HSP90AA1: variants seen among roughly 807,000 people sequenced by gnomAD.
HSP90AA1 encodes the protein heat shock protein 90 alpha family class A member 1.
A neutral mutation model predicts 73.3 loss-of-function variants in HSP90AA1; 18 were observed. The ratio of observed to expected loss-of-function variants is 0.25; its 90% CI spans 0.17 to 0.36. The LOEUF is 0.36. HSP90AA1 is among the 10% of genes least tolerant of loss of function. HSP90AA1 has a pLI of 1.00. For synonymous variants in HSP90AA1, 477 were observed against 296.9 expected (o/e 1.61, Z -6.24); for missense variants, 704 against 874.2 (o/e 0.81, Z 2.45).
chr14:102,119,733 C>T (rs1030549332), intron 1 of HSP90AA1, among the ~76,000 whole-genome samples: 2 of 152,144 alleles, frequency 1.3e-5, no homozygotes, highest in African/African-American at 2.4e-5. Context: ...GTGCTCCGCC[C>T]GCCTCAGCCT....
At chr14:102,129,928 C>T (rs535982300) in intron 1 of HSP90AA1, among the ~76,000 whole-genome samples, 3 of 152,188 alleles carry the variant, frequency 2.0e-5, no homozygotes, top group South Asian at 2.1e-4. Context: ...TGAATAATGC[C>T]GCTGTGAACA....
chr14:102,081,805 G>A lies in HSP90AA1; in HGVS notation c.2106C>T (p.Asp702=), dbSNP rs1354603172. 2.6e-6 allele frequency: 4 copies of A among 1,533,574 alleles called. No individual in the cohort carries two copies. Among genetic ancestry groups the A allele is most frequent in the Admixed American group, 1.7e-5 (1 of 59,870 alleles). 95.0% of individuals were successfully genotyped at this position (1,533,574 alleles called of 1,614,324 possible). Residue 702 remains aspartate (D), a synonymous_variant, in exon 11 of 11, where the codon GAC becomes GAT. Coordinates refer to ENST00000216281, the MANE Select transcript of HSP90AA1 (RefSeq NM_005348.4). ...IKLGLGIDED[D]PTADDTSAAV... ...CAGCACTGGTATCATCAGCAGTAGG[G>A]TCATCTTCATCAATACCTGTTTCCA...
At position 102,081,058 on chromosome 14, in the gene HSP90AA1, C is replaced by T; in HGVS notation, c.*654G>A. The T allele has an allele frequency of 4.4e-6, 1 of 228,116 alleles. No homozygotes were observed. Among genetic ancestry groups the T allele is most frequent in the East Asian group, 6.3e-5 (1 of 15,802 alleles). 14.1% of individuals were successfully genotyped at this position (228,116 alleles called of 1,614,324 possible). A position where few individuals can be genotyped will look rare whatever the true frequency, so the allele number is the denominator to read the frequency against. The stretch of plus-strand genomic sequence containing the variant: ...CACTGTCACACAATATCTTTTAACT[C>T]ATCTGTATTTGTTACAACTTTAAGC... On this transcript the variant is annotated 3_prime_UTR_variant, in exon 11 of 11. Coordinates refer to ENST00000216281, the MANE Select transcript of HSP90AA1 (RefSeq NM_005348.4).
chr14:102,087,478 G>A (rs908071051), upstream of HSP90AA1, among the ~76,000 whole-genome samples: 2 of 152,016 alleles, frequency 1.3e-5, no homozygotes, highest in Non-Finnish European at 2.9e-5. Flanking sequence ...CGGGGCCGGG[G>A]TGGGAGGCGC....
chr14:102,128,038 T>C (rs2049859497), intron 1 of HSP90AA1, among the ~76,000 whole-genome samples: 1 of 152,224 alleles, frequency 6.6e-6, no homozygotes, highest in African/African-American at 2.4e-5. Context: ...TTGGTTCTTC[T>C]GTGCTGCTCT....
chr14:102,085,559 A>G, intron 3 of HSP90AA1, 128 bp from the exon 4 acceptor site: 1 of 1,200,176 alleles, frequency 8.3e-7, no homozygotes, highest in Non-Finnish European at 1.2e-6. Context: ...CCACCACAGC[A>G]GAACCTTTTG....
At chr14:102,115,856 G>A (rs1419445820) in intron 1 of HSP90AA1, among the ~76,000 whole-genome samples, 1 of 152,172 alleles carries the variant, frequency 6.6e-6, no homozygotes, top group Non-Finnish European at 1.5e-5. Context: ...TGAAGCTCCT[G>A]CCTCAGCCTC....
rs575140426 is a variant in HSP90AA1, at chr14:102,081,171, T to G, written c.*541A>C. ...CTTTACGATATGCTTAGGTAGGCTT[T>G]TAACTTTGCTCCTCCAAACAATACT... On this transcript the variant is annotated 3_prime_UTR_variant, in exon 11 of 11. Coordinates refer to ENST00000216281, the MANE Select transcript of HSP90AA1 (RefSeq NM_005348.4). 11 of 235,344 alleles carry G rather than the reference T, an allele frequency of 4.7e-5. No homozygotes were observed. The highest frequency in any genetic ancestry group is 1.3e-3 in the Middle Eastern group (1 of 770). The allele number at this position is 235,344 out of a possible 1,614,324, so 14.6% of individuals were successfully genotyped here.
At chr14:102,138,650 T>C (rs1195134338) in intron 1 of HSP90AA1, among the ~76,000 whole-genome samples, 4 of 152,194 alleles carry the variant, frequency 2.6e-5, no homozygotes, top group African/African-American at 9.7e-5. Context: ...CTTTAGAAAT[T>C]CTCTCCATTC....
intron 1 of HSP90AA1, among the ~76,000 whole-genome samples, chr14:102,108,263 C>A (rs1340551415): frequency 1.4e-3 from 115 of 79,814 alleles, no homozygotes; most frequent in South Asian, 2.0e-3. Context: ...ACCTTGTCTC[C>A]AAAAAAAAAA....
chr14:102,084,100 C>T, intron 6 of HSP90AA1, 117 bp from the exon 7 acceptor site: 1 of 864,988 alleles, frequency 1.2e-6, no homozygotes, highest in African/African-American at 1.7e-5. Flanking sequence ...GAGACAGTCT[C>T]ACTCTGTTGC....
At position 102,082,385 on chromosome 14, in the gene HSP90AA1, G is replaced by A; in HGVS notation, c.1815C>T (p.Gly605=). 13 of 1,613,842 alleles carry A rather than the reference G, an allele frequency of 8.1e-6. No homozygotes were observed. Among genetic ancestry groups the A allele is most frequent in the Non-Finnish European group, 1.1e-5 (13 of 1,179,936 alleles). Residue 605 remains glycine (G), a synonymous_variant, in exon 10 of 11, where the codon GGC becomes GGT. Coordinates refer to ENST00000216281, the MANE Select transcript of HSP90AA1 (RefSeq NM_005348.4). ...SPCCIVTSTY[G]WTANMERIMK... ...TGATTCTCTCCATGTTTGCTGTCCA[G>A]CCATATGTGCTTGTGACAATACAGC...
At chr14:102,083,360 G>T in intron 8 of HSP90AA1, 58 bp from the exon 9 acceptor site, 1 of 1,584,958 alleles carries the variant, frequency 6.3e-7, no homozygotes, top group Non-Finnish European at 8.7e-7. Context: ...GTTTCATCTA[G>T]CTCTGACTTT....
At chr14:102,139,540 C>T in exon 1 of HSP90AA1, 2 of 919,450 alleles carry the variant, frequency 2.2e-6, no homozygotes, top group Non-Finnish European at 3.2e-6. Flanking sequence ...CCCTCAAGTT[C>T]ACCTCAGGCT....
intron 1 of HSP90AA1, among the ~76,000 whole-genome samples, chr14:102,113,768 T>C (rs978137211): frequency 6.6e-6 from 1 of 152,158 alleles, no homozygotes; most frequent in Non-Finnish European, 1.5e-5. Context: ...TGGAGTACAG[T>C]GGCATGATCT....
intron 1 of HSP90AA1, among the ~76,000 whole-genome samples, chr14:102,135,311 G>A (rs2049975228): frequency 6.7e-6 from 1 of 149,338 alleles, no homozygotes; most frequent in Admixed American, 6.6e-5. Context: ...GCCGACTGGT[G>A]TATTTACAAT....
intron 1 of HSP90AA1, among the ~76,000 whole-genome samples, chr14:102,111,181 G>A (rs773844216): frequency 7.2e-5 from 11 of 152,218 alleles, no homozygotes; most frequent in Non-Finnish European, 1.3e-4. Context: ...CCAAGACAAT[G>A]GGAAAAATGT....
At chr14:102,087,928 A>G (rs551865844), upstream of HSP90AA1, among the ~76,000 whole-genome samples, 2 of 150,388 alleles carry the variant, frequency 1.3e-5, no homozygotes, top group East Asian at 3.9e-4. Context: ...CTTGCCCTAA[A>G]AGGTTTTTTT....
At chr14:102,091,282 C>T (rs1386918191), upstream of HSP90AA1, among the ~76,000 whole-genome samples, 1 of 152,052 alleles carries the variant, frequency 6.6e-6, no homozygotes, top group African/African-American at 2.4e-5. Flanking sequence ...CAAGGGCCTC[C>T]AGGGCAGTTA....
Sources: gnomAD v4.1 joint callset for allele counts (sites outside exome capture counted in the v4.1 genomes callset) on GRCh38, gnomAD v4.1.1 for gene constraint, MANE v1.5 for transcripts, NCBI Gene and HGNC (gene_info 2026-07-23, HGNC 2026-07-21) for gene names.